Variants in CNTN5 observed in about 807,000 individuals in gnomAD.
The protein encoded by CNTN5 is contactin 5, also known as contactin-5.
Under a neutral mutation model 129.1 loss-of-function variants are expected in CNTN5, and 77 were observed. The observed-to-expected ratio is 0.60, with a 90% confidence interval of 0.50 to 0.72. The LOEUF (loss-of-function observed/expected upper bound fraction) is 0.72. CNTN5 is among the 30% of genes least tolerant of loss of function. CNTN5 has a pLI of 0.00. For synonymous variants in CNTN5, 509 were observed against 465.6 expected, an observed-to-expected ratio of 1.09 and a Z score of -1.20; for missense variants, 1,478 against 1,328.8, an observed-to-expected ratio of 1.11 and a Z score of -1.75.
At chr11:99,558,958 AGG>A (rs1226968779) in intron 3 of CNTN5, among the ~76,000 whole-genome samples, 8 of 152,082 alleles carry the variant, frequency 5.3e-5, no homozygotes, top group African/African-American at 1.9e-4. Flanking sequence ...GATACTTGAA[AGG>A]ATCATTTATC....
intron 16 of CNTN5, among the ~76,000 whole-genome samples, chr11:100,247,949 C>T (rs11223394): frequency 0.025 from 3,765 of 152,142 alleles, 157 homozygotes; most frequent in African/African-American, 0.084. Context: ...TATCTCTCTG[C>T]ATTAATCTAA....
chr11:99,638,496 A>AGTCCAAG (rs1391299726), intron 3 of CNTN5, among the ~76,000 whole-genome samples: 1 of 152,134 alleles, frequency 6.6e-6, no homozygotes. Context: ...CAAAGTCCAA[A>AGTCCAAG]GTCTCATCTG....
intron 2 of CNTN5, among the ~76,000 whole-genome samples, chr11:99,428,608 A>C: frequency 6.6e-6 from 1 of 151,404 alleles, no homozygotes. Context: ...TAATATATGT[A>C]TATATCTTTA....
In CNTN5 at chr11:99,953,814, G is replaced by A. The variant is rs540621832; in HGVS notation, c.674-2992G>A. ...GCACATGTATTTGTGGCCCAAATGC[G>A]TATTACCACATAGTATCAAAAATAT... On this transcript the variant is annotated intron_variant, in intron 7 of 24. Transcript: ENST00000524871. Among the ~76,000 whole-genome samples the A allele has an allele frequency of 5.3e-5, 8 of 152,258 alleles. No individual in the cohort carries two copies. The East Asian group carries it at 5.8e-4, about 11-fold the overall frequency.
intron 6 of CNTN5, among the ~76,000 whole-genome samples, chr11:99,907,766 G>C (rs1949548319): frequency 6.6e-6 from 1 of 151,896 alleles, no homozygotes. Flanking sequence ...AGGTTTCTGA[G>C]ATAAATCATG....
At chr11:99,867,770 A>G (rs1214007090) in intron 6 of CNTN5, among the ~76,000 whole-genome samples, 5 of 152,144 alleles carry the variant, frequency 3.3e-5, no homozygotes, top group Non-Finnish European at 7.3e-5. Context: ...ATTCAATGTT[A>G]ATTCCTTTTT....
At chr11:100,302,188 T>C (rs770826047) in intron 20 of CNTN5, among the ~76,000 whole-genome samples, 8 of 151,648 alleles carry the variant, frequency 5.3e-5, no homozygotes, top group Admixed American at 1.3e-4. Context: ...GCAATTTGCT[T>C]TACTTAAAAA....
chr11:99,214,385 A>G (rs1860007208), intron 1 of CNTN5, among the ~76,000 whole-genome samples: 1 of 136,468 alleles, frequency 7.3e-6, no homozygotes, highest in South Asian at 2.3e-4. Flanking sequence ...TATATATTAT[A>G]TATGTATATA....
intron 1 of CNTN5, among the ~76,000 whole-genome samples, chr11:99,055,529 G>T (rs2135190181): frequency 1.3e-5 from 2 of 151,910 alleles, no homozygotes; most frequent in Middle Eastern, 6.8e-3. Flanking sequence ...GTGCCCATTG[G>T]CTTTGGCTGA....
chr11:99,843,446 GA>G, intron 4 of CNTN5, among the ~76,000 whole-genome samples: 1 of 151,974 alleles, frequency 6.6e-6, no homozygotes, highest in Admixed American at 6.6e-5. Context: ...TCTTTTCCCA[GA>G]ATTTTTTTTT....
intron 3 of CNTN5, among the ~76,000 whole-genome samples, chr11:99,677,942 A>G (rs996427238): frequency 6.6e-5 from 10 of 152,042 alleles, no homozygotes; most frequent in African/African-American, 2.4e-4. Context: ...TAAAACATGG[A>G]TTCTCCTTGG....
intron 18 of CNTN5, among the ~76,000 whole-genome samples, chr11:100,288,808 A>G (rs1343063768): frequency 6.6e-6 from 1 of 152,156 alleles, no homozygotes; most frequent in Non-Finnish European, 1.5e-5. Context: ...CCAAAAATTA[A>G]TGAATCCAGG....
intron 3 of CNTN5, among the ~76,000 whole-genome samples, chr11:99,611,608 C>T (rs150567428): frequency 2.0e-5 from 3 of 152,126 alleles, no homozygotes; most frequent in African/African-American, 7.2e-5. Context: ...ATCAGTAGTC[C>T]TATTCAATAG....
intron 2 of CNTN5, among the ~76,000 whole-genome samples, chr11:99,467,770 G>T (rs918726366): frequency 2.8e-4 from 42 of 151,908 alleles, no homozygotes; most frequent in African/African-American, 8.7e-4. Flanking sequence ...TTTAAATGTT[G>T]CTGTTTCTTT....
At chr11:99,396,595 A>C (rs1565547831) in intron 2 of CNTN5, among the ~76,000 whole-genome samples, 1 of 151,770 alleles carries the variant, frequency 6.6e-6, no homozygotes, top group African/African-American at 2.4e-5. Flanking sequence ...TAAGAGACTG[A>C]TATATATGAA....
At chr11:100,274,750 G>C (rs371198076) in intron 18 of CNTN5, among the ~76,000 whole-genome samples, 28 of 152,314 alleles carry the variant, frequency 1.8e-4, no homozygotes, top group Middle Eastern at 3.4e-3. Flanking sequence ...TGCTGGCAAG[G>C]TTGCAGAGAA....
At chr11:99,708,631 ATCC>A (rs770172890) in intron 3 of CNTN5, among the ~76,000 whole-genome samples, 1 of 151,614 alleles carries the variant, frequency 6.6e-6, no homozygotes, top group Non-Finnish European at 1.5e-5. Context: ...TAAACGTTCT[ATCC>A]TCCTCCATTT....
intron 6 of CNTN5, among the ~76,000 whole-genome samples, chr11:99,858,799 G>T (rs7943425): frequency 6.6e-6 from 1 of 151,880 alleles, no homozygotes; most frequent in African/African-American, 2.4e-5. Context: ...CAACTTGCAC[G>T]ATTTTTAAAA....
chr11:100,249,218 A>G (rs962383262), intron 16 of CNTN5, among the ~76,000 whole-genome samples: 2 of 152,370 alleles, frequency 1.3e-5, no homozygotes, highest in East Asian at 3.8e-4. Context: ...ATATATGTAC[A>G]CATATACATT....
Sources: allele counts gnomAD v4.1 joint callset (sites outside exome capture counted in the v4.1 genomes callset), GRCh38; gene constraint gnomAD v4.1.1; transcripts MANE v1.5; gene names NCBI Gene and HGNC (gene_info 2026-07-23, HGNC 2026-07-21).